The following SLC31A2 variants were observed in gnomAD, a reference collection of about 807,000 sequenced individuals.
SLC31A2 encodes solute carrier family 31 member 2, also known as protein SLC31A2.
In SLC31A2, 16 loss-of-function variants were observed where a neutral mutation model predicts 14.4. The ratio of observed to expected loss-of-function variants is 1.11; its 90% CI spans 0.75 to 1.69. The LOEUF (loss-of-function observed/expected upper bound fraction) is 1.69, where lower values mean the gene tolerates loss of function less well. Among genes scored for constraint, SLC31A2 ranks in the 40% most tolerant of loss-of-function variants. SLC31A2 has a pLI of 0.00. For synonymous variants in SLC31A2, 56 were observed against 68.7 expected (o/e 0.82, Z 0.91); for missense variants, 140 against 173.9 (o/e 0.81, Z 1.10).
chr9:113,151,446 T>G lies in SLC31A2; in HGVS notation c.6+366T>G, dbSNP rs1008882874. 6.6e-6 allele frequency among the ~76,000 whole-genome samples: 1 copy of G among 151,872 alleles called. No homozygotes were observed. The highest frequency in any genetic ancestry group is 2.4e-5 in the African/African-American group (1 of 41,364). ...GGGCGGAGAGCAGCGCCTTGGGAGA[T>G]TCCAGGAAGGCTTCCACGAAAGGGA... On this transcript the variant is annotated intron_variant, in intron 1 of 3. Transcript: ENST00000259392. The surrounding 1 kb of genome is among the most constrained non-coding windows in gnomAD (Gnocchi z 4.2).
At chr9:113,155,090 G>C (rs990843825) in intron 1 of SLC31A2, among the ~76,000 whole-genome samples, 2 of 152,226 alleles carry the variant, frequency 1.3e-5, no homozygotes, top group Non-Finnish European at 2.9e-5. Context: ...CGACAGCACA[G>C]CCCTCATCTC....
intron 2 of SLC31A2, 195 bp from the exon 3 acceptor site, chr9:113,161,314 T>G: frequency 1.7e-6 from 1 of 585,066 alleles, no homozygotes; most frequent in South Asian, 2.3e-5. Flanking sequence ...AGGTGGCTTC[T>G]CTTCCTGATC....
chr9:113,153,895 C>G (rs1475598712), intron 1 of SLC31A2, among the ~76,000 whole-genome samples: 4 of 152,078 alleles, frequency 2.6e-5, no homozygotes. Flanking sequence ...CTACCAAACC[C>G]CAGGCTGCAG....
intron 2 of SLC31A2, among the ~76,000 whole-genome samples, chr9:113,160,504 A>C (rs1306969895): frequency 6.6e-6 from 1 of 152,250 alleles, no homozygotes; most frequent in Non-Finnish European, 1.5e-5. Flanking sequence ...GGAACATTAC[A>C]ATTCTATTTT....
chr9:113,161,394 G>A (rs1282304661), intron 2 of SLC31A2, 115 bp from the exon 3 acceptor site: 19 of 921,470 alleles, frequency 2.1e-5, no homozygotes, highest in Non-Finnish European at 3.4e-6. Flanking sequence ...AGCAAGGGTG[G>A]GGAAGAAGGT....
intron 1 of SLC31A2, among the ~76,000 whole-genome samples, chr9:113,152,624 C>T (rs911433466): frequency 1.9e-4 from 29 of 152,234 alleles, no homozygotes; most frequent in African/African-American, 5.5e-4. Flanking sequence ...CTTTCTCTGA[C>T]CTACAACCTG....
intron 2 of SLC31A2, chr9:113,158,153 TC>T (rs944820775): frequency 1.3e-5 from 6 of 478,016 alleles, no homozygotes; most frequent in African/African-American, 6.0e-5. Flanking sequence ...ACCTGGCACC[TC>T]CCTTATCCAG....
chr9:113,161,316 T>C, intron 2 of SLC31A2, 193 bp from the exon 3 acceptor site: 1 of 592,172 alleles, frequency 1.7e-6, no homozygotes, highest in East Asian at 2.9e-5. Flanking sequence ...GTGGCTTCTC[T>C]TCCTGATCTC....
intron 2 of SLC31A2, chr9:113,161,214 C>G (rs373744948): frequency 1.6e-4 from 65 of 412,764 alleles, no homozygotes; most frequent in African/African-American, 1.0e-3. Context: ...CATCACTTAA[C>G]AAGAAGTCAC....
At chr9:113,156,080 A>G (rs761455026) in intron 1 of SLC31A2, 4 of 518,958 alleles carry the variant, frequency 7.7e-6, no homozygotes, top group East Asian at 1.1e-4. Flanking sequence ...GGACACCCAC[A>G]TGGCACAGCT....
chr9:113,151,190 G>T lies in SLC31A2; in HGVS notation c.6+110G>T. ...CTGCCGCTGGCCCGGGGCTGGTGAA[G>T]GGTGTGTTGGCAGCATTGCCAACAG... On this transcript the variant is annotated intron_variant, in intron 1 of 3. Transcript: ENST00000259392. This position sits in a 1 kb window ranked among gnomAD's most constrained non-coding sequence, Gnocchi z 4.2. 8.8e-7 allele frequency: 1 copy of T among 1,142,310 alleles called. No individual in the cohort carries two copies. Among genetic ancestry groups the T allele is most frequent in the Non-Finnish European group, 1.1e-6 (1 of 889,716 alleles). 70.8% of individuals were successfully genotyped at this position (1,142,310 alleles called of 1,614,324 possible).
intron 1 of SLC31A2, among the ~76,000 whole-genome samples, chr9:113,154,620 C>T (rs77119646): frequency 0.066 from 10,038 of 152,266 alleles, 502 homozygotes; most frequent in East Asian, 0.19. Context: ...CTGCTGCTGT[C>T]CCTCTACACT....
chr9:113,154,819 T>G (rs1829914138), intron 1 of SLC31A2, among the ~76,000 whole-genome samples: 1 of 152,228 alleles, frequency 6.6e-6, no homozygotes, highest in African/African-American at 2.4e-5. Context: ...GTCCCTGGGC[T>G]CTGGTCTTAC....
In SLC31A2 at chr9:113,163,286, C is replaced by T. The variant is rs770444480; in HGVS notation, c.*369C>T. ...GAGAAGGGTTCTTGGTGATGCAGGGCATGGAACCTGGACACCCTCAGCTCT... is the reference window on the plus strand; with the variant it reads ...GAGAAGGGTTCTTGGTGATGCAGGGTATGGAACCTGGACACCCTCAGCTCT... On this transcript the variant is annotated 3_prime_UTR_variant, in exon 4 of 4. Coordinates refer to ENST00000259392, the MANE Select transcript of SLC31A2 (RefSeq NM_001860.3). The T allele has an allele frequency of 1.5e-4, 24 of 162,396 alleles. No homozygotes were observed. Among genetic ancestry groups the T allele is most frequent in the Non-Finnish European group, 5.3e-5 (4 of 74,788 alleles). 10.1% of individuals were successfully genotyped at this position (162,396 alleles called of 1,614,324 possible).
chr9:113,153,740 T>C (rs1000372828), intron 1 of SLC31A2, among the ~76,000 whole-genome samples: 2 of 152,178 alleles, frequency 1.3e-5, no homozygotes, highest in Admixed American at 1.3e-4. Flanking sequence ...TTTCTTTCTC[T>C]GTCCTGCAGC....
chr9:113,154,917 C>T (rs1194370131), intron 1 of SLC31A2, among the ~76,000 whole-genome samples: 1 of 152,208 alleles, frequency 6.6e-6, no homozygotes, highest in African/African-American at 2.4e-5. Flanking sequence ...CAGCTATTGG[C>T]TGAACATCCT....
At position 113,156,842 on chromosome 9, in the gene SLC31A2, A is replaced by C. The variant is rs903419739; in HGVS notation, c.7-885A>C. Among the ~76,000 whole-genome samples the C allele has an allele frequency of 3.9e-5, 6 of 152,152 alleles. No individual in the cohort carries two copies. The South Asian group carries it at 1.2e-3, about 32-fold the overall frequency. On this transcript the variant is annotated intron_variant, in intron 1 of 3. Transcript: ENST00000259392. The stretch of plus-strand genomic sequence containing the variant: ...ATTGGGAGGAAGCACCGTGTCCTGG[A>C]ATGTCCAGGGCTTTGGAATCCAGCT...
At chr9:113,155,959 C>A in intron 1 of SLC31A2, 1 of 498,062 alleles carries the variant, frequency 2.0e-6, no homozygotes, top group Non-Finnish European at 4.1e-6. Flanking sequence ...CTCCTTTGGT[C>A]CTAACTGTTG....
chr9:113,154,635 C>T (rs560129912), intron 1 of SLC31A2, among the ~76,000 whole-genome samples: 4 of 152,328 alleles, frequency 2.6e-5, no homozygotes, highest in Admixed American at 1.3e-4. Flanking sequence ...TACACTAAGC[C>T]GCTTGCCAGT....
Sources: allele counts gnomAD v4.1 joint callset (sites outside exome capture counted in the v4.1 genomes callset), GRCh38; gene constraint gnomAD v4.1.1; non-coding constraint Gnocchi (gnomAD v3.1); transcripts MANE v1.5; gene names NCBI Gene and HGNC (gene_info 2026-07-23, HGNC 2026-07-21).